GIGYF2: variants seen among roughly 807,000 people sequenced by gnomAD.
The protein encoded by GIGYF2 is GRB10-interacting GYF protein 2.
A neutral mutation model predicts 208.1 loss-of-function variants in GIGYF2; 25 were observed. That is an observed-to-expected ratio of 0.12 (90% CI 0.09 to 0.17). The LOEUF is 0.17. GIGYF2 is among the 10% of genes least tolerant of loss of function. The pLI, the probability that GIGYF2 is intolerant of heterozygous loss-of-function variation, is 1.00. For synonymous variants in GIGYF2, 534 were observed against 543.8 expected (o/e 0.98, Z 0.25); for missense variants, 1,302 against 1,579.4 (o/e 0.82, Z 2.98).
chr2:232,738,068 C>G (rs949379117), intron 3 of GIGYF2, among the ~76,000 whole-genome samples: 3 of 151,858 alleles, frequency 2.0e-5, no homozygotes, highest in Non-Finnish European at 4.4e-5. Flanking sequence ...AGGCACCCAC[C>G]ACCACGCCCA....
At chr2:232,809,507 A>G (rs960835710) in intron 15 of GIGYF2, among the ~76,000 whole-genome samples, 1 of 152,192 alleles carries the variant, frequency 6.6e-6, no homozygotes, top group African/African-American at 2.4e-5. Flanking sequence ...ACCTTAGGGA[A>G]TCTTTTGTAA....
chr2:232,822,780 C>A (rs980859230), intron 21 of GIGYF2, among the ~76,000 whole-genome samples: 4 of 152,188 alleles, frequency 2.6e-5, no homozygotes, highest in Admixed American at 6.5e-5. Context: ...TATATTCTGA[C>A]ACCTTGTGAA....
At chr2:232,749,411 C>T (rs1698259145) in intron 5 of GIGYF2, among the ~76,000 whole-genome samples, 1 of 152,050 alleles carries the variant, frequency 6.6e-6, no homozygotes, top group African/African-American at 2.4e-5. Context: ...AATTGCCAAC[C>T]TGAATTCTTA....
At position 232,845,977 on chromosome 2, in the gene GIGYF2, A is replaced by G. The variant is rs568252260; in HGVS notation, c.3460+91A>G. 488 of 842,464 alleles carry G rather than the reference A, an allele frequency of 5.8e-4. 2 individuals are homozygous for G. In the African/African-American group the frequency reaches 7.4e-3, roughly 13 times the overall value. 52.2% of individuals were successfully genotyped at this position (842,464 alleles called of 1,614,324 possible). A position where few individuals can be genotyped will look rare whatever the true frequency, so the allele number is the denominator to read the frequency against. Reference sequence around the variant, plus strand: ...AATTTGAACAGTGGGCCAAAAGTCAAAAGATGAAATCTAAGGAGGTCAACT... The same window carrying G: ...AATTTGAACAGTGGGCCAAAAGTCAGAAGATGAAATCTAAGGAGGTCAACT... On this transcript the variant is annotated intron_variant, in intron 26 of 28. Transcript: ENST00000373563.
At chr2:232,813,853 T>C (rs1700819079) in intron 18 of GIGYF2, among the ~76,000 whole-genome samples, 1 of 151,976 alleles carries the variant, frequency 6.6e-6, no homozygotes, top group African/African-American at 2.4e-5. Context: ...CTAAAACTTT[T>C]TGAGCATTGA....
chr2:232,777,949 A>G (rs1252295068), intron 8 of GIGYF2, among the ~76,000 whole-genome samples: 2 of 151,950 alleles, frequency 1.3e-5, no homozygotes, highest in Non-Finnish European at 2.9e-5. Flanking sequence ...TATATTTTTT[A>G]TTTTCATTTT....
intron 27 of GIGYF2, among the ~76,000 whole-genome samples, chr2:232,849,233 C>A (rs1690206149): frequency 6.6e-6 from 1 of 152,130 alleles, no homozygotes; most frequent in Non-Finnish European, 1.5e-5. Flanking sequence ...AGCGCGATCT[C>A]AGCTCACTGC....
chr2:232,771,966 G>A (rs1344923382), intron 8 of GIGYF2, among the ~76,000 whole-genome samples: 1 of 152,140 alleles, frequency 6.6e-6, no homozygotes, highest in African/African-American at 2.4e-5. Context: ...TTTATAATTA[G>A]CCTATTCAGA....
intron 4 of GIGYF2, among the ~76,000 whole-genome samples, chr2:232,748,568 A>C (rs1698232687): frequency 6.6e-6 from 1 of 152,238 alleles, no homozygotes; most frequent in Non-Finnish European, 1.5e-5. Context: ...TACAGGCGTG[A>C]GCCACAATGC....
chr2:232,774,864 T>C (rs1451417889), intron 8 of GIGYF2, among the ~76,000 whole-genome samples: 1 of 152,210 alleles, frequency 6.6e-6, no homozygotes, highest in Non-Finnish European at 1.5e-5. Flanking sequence ...TTAGAGCCTT[T>C]CTGTATAGAC....
Position 232,860,457 on chromosome 2 carries a change from ATATATGT to A in GIGYF2, c.*3603_*3609del, listed in dbSNP as rs1250895571. The A allele has an allele frequency of 6.7e-6, 1 of 149,666 alleles. No homozygotes were observed. Among genetic ancestry groups the A allele is most frequent in the Non-Finnish European group, 1.5e-5 (1 of 67,564 alleles). 9.3% of individuals were successfully genotyped at this position (149,666 alleles called of 1,614,324 possible). Reference sequence around the variant, plus strand: ...TTTTCAATATATATATAATATATACATATATGTTATATACGTATATATATTGCACCCT... The same window carrying A: ...TTTTCAATATATATATAATATATACATATATACGTATATATATTGCACCCT... On this transcript the variant is annotated 3_prime_UTR_variant, in exon 29 of 29. Coordinates refer to ENST00000373563, the MANE Select transcript of GIGYF2 (RefSeq NM_001103146.3).
rs1203774421 is a variant in GIGYF2, at chr2:232,794,754, T to C, written c.1289T>C (p.Val430Ala). 1 of 1,611,376 alleles carries C rather than the reference T, an allele frequency of 6.2e-7. No individual in the cohort carries two copies. Among genetic ancestry groups the C allele is most frequent in the Admixed American group, 1.7e-5 (1 of 60,010 alleles). ...AKVPSRGDEM[V>A]ADVQQPLSQI... ...TCTGATTTTTTCCCCCTAGAAATGG[T>C]TGCTGATGTCCAGCAGCCCCTGTCG... The change falls in exon 13 of 29, where the codon GTT becomes GCT. Residue 430 changes from valine to alanine, a missense_variant. By Grantham distance (64) the Val-to-Ala change is moderately conservative. This residue lies in a region of GIGYF2 where 235 missense variants were observed against 218.8 expected (regional missense o/e 1.07). Transcript: ENST00000373563.
At chr2:232,729,386 A>C (rs1697349135) in intron 2 of GIGYF2, 4 of 366,686 alleles carry the variant, frequency 1.1e-5, no homozygotes, top group Non-Finnish European at 1.8e-5. Flanking sequence ...ATCATAAAGA[A>C]GAATGAGCAG....
At chr2:232,714,587 A>T (rs1251653370) in intron 2 of GIGYF2, among the ~76,000 whole-genome samples, 1 of 152,158 alleles carries the variant, frequency 6.6e-6, no homozygotes, top group Non-Finnish European at 1.5e-5. Context: ...GTACATTTTG[A>T]TGAGTTTTCA....
intron 2 of GIGYF2, among the ~76,000 whole-genome samples, chr2:232,725,374 T>C (rs1314814104): frequency 6.6e-6 from 1 of 152,204 alleles, no homozygotes; most frequent in Non-Finnish European, 1.5e-5. Context: ...TCTTTACCCT[T>C]TCCTGCACCT....
At position 232,789,619 on chromosome 2, in the gene GIGYF2, C is replaced by T. The variant is rs1204898067; in HGVS notation, c.713-1079C>T. On this transcript the variant is annotated intron_variant, in intron 9 of 28. Transcript: ENST00000373563. ...ATGCTACCTGTATTTGGCATTTTAA[C>T]GTTTTGCCCTTTGTTTTCCAATTTG... Among the ~76,000 whole-genome samples the T allele has an allele frequency of 2.6e-5, 4 of 151,948 alleles. No homozygotes were observed. In the South Asian group the frequency reaches 6.2e-4, roughly 24 times the overall value.
At position 232,844,385 on chromosome 2, in the gene GIGYF2, C is replaced by T; in HGVS notation, c.3116C>T (p.Thr1039Ile). 1.2e-6 allele frequency: 2 copies of T among 1,613,306 alleles called. No individual in the cohort carries two copies. Among genetic ancestry groups the T allele is most frequent in the Non-Finnish European group, 8.5e-7 (1 of 1,179,238 alleles). ...CTTTAACAGCATTCCAACCTGCACA[C>T]CAGCATTGGGAATTCTGTTTGGGGC... is the stretch of plus-strand genomic sequence containing the variant. ...ARNNTHSNLHTSIGNSVWGSI... is the reference protein window; with the variant it reads ...ARNNTHSNLHISIGNSVWGSI... Residue 1039 changes from threonine (T) to isoleucine (I), a missense_variant, in exon 25 of 29, where the codon ACC (threonine) becomes ATC (isoleucine). Around this residue, in one of 8 missense-constraint regions of GIGYF2, gnomAD observed 701 missense variants for 793.0 expected, o/e 0.88. Transcript: ENST00000373563.
At position 232,787,226 on chromosome 2, in the gene GIGYF2, T is replaced by C. The variant is rs370038163; in HGVS notation, c.609T>C (p.Asn203=). ...AATTTATACGCTCAGAAAGTGAAAA[T>C]TGGCGCATCTTTAGAGAGGAACAAA... ...KHEFIRSESE[N]WRIFREEQNG... The change falls in exon 9 of 29, where the codon AAT becomes AAC. Residue 203 remains asparagine (N), a synonymous_variant. Coordinates refer to ENST00000373563, the MANE Select transcript of GIGYF2 (RefSeq NM_001103146.3). The C allele has an allele frequency of 1.9e-5, 30 of 1,613,686 alleles. No homozygotes were observed. Among genetic ancestry groups the C allele is most frequent in the African/African-American group, 1.1e-4 (8 of 74,800 alleles).
At chr2:232,819,028 G>T (rs911488830) in intron 20 of GIGYF2, among the ~76,000 whole-genome samples, 1 of 150,966 alleles carries the variant, frequency 6.6e-6, no homozygotes, top group Non-Finnish European at 1.5e-5. Context: ...CATGTGCTTG[G>T]CTCATTTTTC....
Sources: allele counts gnomAD v4.1 joint callset (sites outside exome capture counted in the v4.1 genomes callset), GRCh38; gene constraint gnomAD v4.1.1; regional missense constraint gnomAD v4.1.1; transcripts MANE v1.5; gene names NCBI Gene and HGNC (gene_info 2026-07-23, HGNC 2026-07-21).